Variants in HELZ observed in about 807,000 individuals in gnomAD.
HELZ encodes helicase with zinc finger, also known as ATP-dependent RNA helicase with zinc finger domain.
Under a neutral mutation model 218.2 loss-of-function variants are expected in HELZ, and 23 were observed. The observed-to-expected ratio is 0.11, with a 90% CI of 0.08 to 0.15. The LOEUF (loss-of-function observed/expected upper bound fraction) is 0.15. Among genes scored for constraint, HELZ ranks in the 10% least tolerant of loss-of-function variants. HELZ has a pLI of 1.00. For missense variants in HELZ, 1,813 were observed against 2,353.7 expected (o/e 0.77, Z 4.75); for synonymous variants, 814 against 829.4 (o/e 0.98, Z 0.32).
At chr17:67,137,080 G>A (rs560487264) in intron 22 of HELZ, among the ~76,000 whole-genome samples, 5 of 152,216 alleles carry the variant, frequency 3.3e-5, no homozygotes, top group African/African-American at 9.6e-5. Context: ...TCTGGCCAAC[G>A]AGGGCACGCA....
intron 7 of HELZ, among the ~76,000 whole-genome samples, chr17:67,196,931 C>T (rs1174978499): frequency 6.6e-6 from 1 of 152,124 alleles, no homozygotes; most frequent in East Asian, 1.9e-4. Context: ...ACATTCTCTC[C>T]TCCCACTGCC....
chr17:67,214,048 T>TGGG (rs1016197583), intron 5 of HELZ, among the ~76,000 whole-genome samples: 3 of 152,134 alleles, frequency 2.0e-5, no homozygotes, highest in Non-Finnish European at 4.4e-5. Flanking sequence ...CTTCTTCAGA[T>TGGG]GGGGGAAGGA....
At chr17:67,197,671 A>G (rs2040067208) in intron 7 of HELZ, among the ~76,000 whole-genome samples, 1 of 152,200 alleles carries the variant, frequency 6.6e-6, no homozygotes, top group Non-Finnish European at 1.5e-5. Context: ...CCCAAGATGA[A>G]ATCTGGAATA....
At chr17:67,173,641 G>A (rs1274269779) in intron 13 of HELZ, among the ~76,000 whole-genome samples, 1 of 152,184 alleles carries the variant, frequency 6.6e-6, no homozygotes. Context: ...AACAATCCCT[G>A]AGTTTACTAA....
intron 31 of HELZ, among the ~76,000 whole-genome samples, chr17:67,093,578 A>T (rs568725210): frequency 6.6e-6 from 1 of 152,222 alleles, no homozygotes; most frequent in African/African-American, 2.4e-5. Flanking sequence ...GCGCCTTGCC[A>T]TGGGAGCTCC....
At chr17:67,217,359 C>G (rs1402536840) in intron 4 of HELZ, among the ~76,000 whole-genome samples, 9 of 152,224 alleles carry the variant, frequency 5.9e-5, no homozygotes, top group Non-Finnish European at 1.3e-4. Flanking sequence ...CTAGTTACTT[C>G]TCACTATCTC....
At position 67,078,404 on chromosome 17, in the gene HELZ, C is replaced by T. The variant is rs773240558; in HGVS notation, c.5677G>A (p.Ala1893Thr). Residue 1893 changes from alanine (A) to threonine (T), a missense_variant, in exon 33 of 33, where the codon GCC (alanine) becomes ACC (threonine). Ala to Thr is a moderately conservative substitution (Grantham distance 58). Coordinates refer to ENST00000358691, the MANE Select transcript of HELZ (RefSeq NM_014877.4). ...SPQSSAGGKPAMSYASALRAP... is the reference protein window; with the variant it reads ...SPQSSAGGKPTMSYASALRAP... Reference sequence around the variant, plus strand: ...CGCAGAGCGCTGGCATAGGACATGGCGGGCTTGCCCCCCGCAGAGCTCTGG... The same window carrying T: ...CGCAGAGCGCTGGCATAGGACATGGTGGGCTTGCCCCCCGCAGAGCTCTGG... 1.0e-5 allele frequency: 16 copies of T among 1,600,842 alleles called. No individual in the cohort carries two copies. The highest frequency in any genetic ancestry group is 2.3e-5 in the South Asian group (2 of 88,808).
chr17:67,107,584 T>A lies in HELZ; in HGVS notation c.4826A>T (p.Gln1609Leu). The change falls in exon 31 of 33, where the codon CAA becomes CTA. Residue 1609 changes from glutamine (Q) to leucine (L), a missense_variant. Physicochemically the swap from Gln to Leu is moderately radical, Grantham distance 113. Transcript: ENST00000358691. ...TGCTGGTGGGCTTCTACTCTGTACT[T>A]GTCTATATTGCAAAAGTCTTGATTG... is the stretch of plus-strand genomic sequence containing the variant. ...PPQSRLLQYRQVQSRSPPAVP... is the reference protein window; with the variant it reads ...PPQSRLLQYRLVQSRSPPAVP... 6.2e-7 allele frequency: 1 copy of A among 1,614,162 alleles called. No homozygotes were observed. Among genetic ancestry groups the A allele is most frequent in the Non-Finnish European group, 8.5e-7 (1 of 1,180,018 alleles).
At chr17:67,165,131 A>T (rs576523051) in intron 15 of HELZ, among the ~76,000 whole-genome samples, 9 of 152,348 alleles carry the variant, frequency 5.9e-5, no homozygotes, top group African/African-American at 2.2e-4. Flanking sequence ...AGTACACAAG[A>T]GGAAAACAGA....
chr17:67,086,619 AATATAAATATAAATATATAT>A (rs990359391), intron 32 of HELZ, among the ~76,000 whole-genome samples, 190 bp downstream of exon 32: 12 of 42,458 alleles, frequency 2.8e-4, no homozygotes, highest in African/African-American at 9.1e-4. Flanking sequence ...TATATAAATA[AATATAAATATAAATATATAT>A]ATATATATAT....
chr17:67,107,608 T>A lies in HELZ; in HGVS notation c.4802A>T (p.Gln1601Leu). The A allele has an allele frequency of 6.2e-7, 1 of 1,614,074 alleles. No homozygotes were observed. Among genetic ancestry groups the A allele is most frequent in the East Asian group, 2.2e-5 (1 of 44,878 alleles). Reference protein sequence around the residue: ...TRELAEMPPPQSRLLQYRQVQ... With the variant: ...TRELAEMPPPLSRLLQYRQVQ... ...TTGTCTATATTGCAAAAGTCTTGATTGAGGTGGTGGCATTTCAGCTAGTTC... is the reference window on the plus strand; with the variant it reads ...TTGTCTATATTGCAAAAGTCTTGATAGAGGTGGTGGCATTTCAGCTAGTTC... The change falls in exon 31 of 33, where the codon CAA becomes CTA. Residue 1601 changes from glutamine to leucine, a missense_variant. Gln to Leu is a moderately radical substitution (Grantham distance 113). This residue lies in a region of HELZ where 938 missense variants were observed against 1,027.5 expected (regional missense o/e 0.91). Transcript: ENST00000358691.
chr17:67,082,370 T>C (rs1211156310), intron 32 of HELZ, among the ~76,000 whole-genome samples: 1 of 152,224 alleles, frequency 6.6e-6, no homozygotes, highest in Non-Finnish European at 1.5e-5. Context: ...TCATTTCCTC[T>C]AAAACACACT....
At chr17:67,143,539 C>T (rs949271161) in intron 21 of HELZ, among the ~76,000 whole-genome samples, 1 of 151,828 alleles carries the variant, frequency 6.6e-6, no homozygotes, top group African/African-American at 2.4e-5. Context: ...TCACCTGACC[C>T]CAGGAGGTCA....
chr17:67,151,274 GTATC>G (rs1238211570), intron 17 of HELZ, 50 bp from the exon 18 acceptor site: 2 of 1,399,870 alleles, frequency 1.4e-6, no homozygotes, highest in African/African-American at 1.4e-5. Context: ...TTTCTTAACA[GTATC>G]TAGTTATTAA....
chr17:67,186,447 C>T lies in HELZ; in HGVS notation c.1162+1872G>A, dbSNP rs558938345. On this transcript the variant is annotated intron_variant, in intron 12 of 32. Transcript: ENST00000358691. Reference sequence around the variant, plus strand: ...AGGATTCAAATCCTATTCTATTTGACTCTGATTTTTGTCCTCTGCTCTTCT... The same window carrying T: ...AGGATTCAAATCCTATTCTATTTGATTCTGATTTTTGTCCTCTGCTCTTCT... Among the ~76,000 whole-genome samples, 7 of 152,200 alleles carry T rather than the reference C, an allele frequency of 4.6e-5. 1 individual carries two copies. The East Asian group carries it at 5.8e-4, about 13-fold the overall frequency.
At chr17:67,217,672 A>T (rs1386114307) in intron 4 of HELZ, among the ~76,000 whole-genome samples, 1 of 152,134 alleles carries the variant, frequency 6.6e-6, no homozygotes, top group East Asian at 1.9e-4. Context: ...CTACTCAAGC[A>T]CAGCAGGCAT....
chr17:67,164,280 A>T (rs1045899715), intron 15 of HELZ, among the ~76,000 whole-genome samples: 2 of 152,234 alleles, frequency 1.3e-5, no homozygotes, highest in Non-Finnish European at 2.9e-5. Context: ...CATGTCAGGC[A>T]CTCAATAAAT....
At chr17:67,224,915 A>C in intron 3 of HELZ, 1 of 726,976 alleles carries the variant, frequency 1.4e-6, no homozygotes, top group Non-Finnish European at 2.6e-6. Flanking sequence ...AAAACTACAA[A>C]GACGACTGTG....
chr17:67,242,476 A>G (rs2041344228), intron 2 of HELZ, among the ~76,000 whole-genome samples: 1 of 150,856 alleles, frequency 6.6e-6, no homozygotes, highest in South Asian at 2.1e-4. Context: ...ATATATACAC[A>G]TATATACATA....
Sources: allele counts gnomAD v4.1 joint callset (sites outside exome capture counted in the v4.1 genomes callset), GRCh38; gene constraint gnomAD v4.1.1; regional missense constraint gnomAD v4.1.1; transcripts MANE v1.5; gene names NCBI Gene and HGNC (gene_info 2026-07-23, HGNC 2026-07-21).